Variants in GRID1 observed in about 807,000 individuals in gnomAD.
The protein encoded by GRID1 is glutamate receptor ionotropic, delta-1.
A neutral mutation model predicts 98.0 loss-of-function variants in GRID1; 28 were observed. The observed-to-expected ratio is 0.29, with a 90% CI of 0.21 to 0.39. GRID1 has a LOEUF of 0.39. GRID1 is among the 10% of genes least tolerant of loss of function. The pLI, the probability that GRID1 is intolerant of heterozygous loss-of-function variation, is 1.00. For missense variants in GRID1, 1,111 were observed against 1,340.5 expected (o/e 0.83, Z 2.67); for synonymous variants, 553 against 538.5 (o/e 1.03, Z -0.37).
chr10:86,260,989 G>A lies in GRID1; in HGVS notation c.236-54341C>T, dbSNP rs184022607. The stretch of plus-strand genomic sequence containing the variant: ...CCTTCTCCTAGCCTCCTAAACACAC[G>A]TTCCTCAAACCGAAGAAAAAGCTGG... On this transcript the variant is annotated intron_variant, in intron 2 of 15. Coordinates refer to ENST00000327946, the MANE Select transcript of GRID1 (RefSeq NM_017551.3). Among the ~76,000 whole-genome samples, 38 of 152,352 alleles carry A rather than the reference G, an allele frequency of 2.5e-4. 1 individual carries two copies. The highest frequency in any genetic ancestry group is 4.4e-5 in the Non-Finnish European group (3 of 68,040).
intron 2 of GRID1, among the ~76,000 whole-genome samples, chr10:86,208,045 T>A (rs78026068): frequency 5.4e-4 from 82 of 152,292 alleles, no homozygotes; most frequent in African/African-American, 1.9e-3. Context: ...CTTGGGTTTA[T>A]GTAATGCCTC....
chr10:85,949,773 T>TA (rs1281937060), intron 4 of GRID1, among the ~76,000 whole-genome samples: 1 of 152,228 alleles, frequency 6.6e-6, no homozygotes, highest in African/African-American at 2.4e-5. Context: ...GCACTTATAT[T>TA]AATGACTAAA....
chr10:86,280,534 A>G (rs1291779369), intron 2 of GRID1, among the ~76,000 whole-genome samples: 1 of 152,196 alleles, frequency 6.6e-6, no homozygotes, highest in African/African-American at 2.4e-5. Flanking sequence ...ACCCTTGTGA[A>G]AGCAGGAGGA....
chr10:85,702,051 A>G (rs1590195932), intron 12 of GRID1, among the ~76,000 whole-genome samples: 1 of 152,204 alleles, frequency 6.6e-6, no homozygotes, highest in Non-Finnish European at 1.5e-5. Flanking sequence ...GAAATAATAC[A>G]TAAATATATT....
chr10:85,761,265 C>T (rs1842144579), intron 8 of GRID1, among the ~76,000 whole-genome samples: 1 of 152,148 alleles, frequency 6.6e-6, no homozygotes, highest in Admixed American at 6.5e-5. Context: ...ATGTGTTAAA[C>T]ACTAATGGTT....
At chr10:85,824,161 G>T (rs1222680133) in intron 8 of GRID1, among the ~76,000 whole-genome samples, 1 of 151,534 alleles carries the variant, frequency 6.6e-6, no homozygotes. Flanking sequence ...AAGAGGAAAA[G>T]ACTTAAAAAG....
chr10:85,992,931 G>C (rs1368771150), intron 4 of GRID1, among the ~76,000 whole-genome samples: 2 of 152,198 alleles, frequency 1.3e-5, no homozygotes, highest in African/African-American at 4.8e-5. Context: ...TCCAGCCTGG[G>C]TGACCAAGTG....
chr10:86,335,862 C>A (rs1212459736), intron 2 of GRID1, among the ~76,000 whole-genome samples: 1 of 152,216 alleles, frequency 6.6e-6, no homozygotes, highest in Non-Finnish European at 1.5e-5. Context: ...CATGAAAGAA[C>A]CCCTCTCCAA....
chr10:86,366,389 C>G lies in GRID1; in HGVS notation c.4G>C (p.Glu2Gln). 6.7e-7 allele frequency: 1 copy of G among 1,503,400 alleles called. No homozygotes were observed. The highest frequency in any genetic ancestry group is 2.1e-5 in the Admixed American group (1 of 48,120). The allele number at this position is 1,503,400 out of a possible 1,614,324, so 93.1% of individuals were successfully genotyped here. A position where few individuals can be genotyped will look rare whatever the true frequency, so the allele number is the denominator to read the frequency against. Residue 2 changes from glutamate to glutamine, a missense_variant, in exon 1 of 16, where the codon GAA becomes CAA. Around this residue, in one of 3 missense-constraint regions of GRID1, gnomAD observed 346 missense variants for 452.3 expected, o/e 0.76. Transcript: ENST00000327946. This position sits in a 1 kb window ranked among gnomAD's most constrained non-coding sequence, Gnocchi z 4.1. ...GGGAGAAGCCACAGCGTCAGCGCTT[C>G]CATGTCCCCCGGGCGCGCGGCTCAT... M[E>Q]ALTLWLLPWI...
intron 2 of GRID1, among the ~76,000 whole-genome samples, chr10:86,290,767 C>T (rs544672692): frequency 3.3e-5 from 5 of 152,262 alleles, no homozygotes; most frequent in South Asian, 4.2e-4. Context: ...GTAGTATGAA[C>T]AATAAGGCAA....
At chr10:85,704,837 A>C (rs1012602543) in intron 12 of GRID1, among the ~76,000 whole-genome samples, 1 of 152,218 alleles carries the variant, frequency 6.6e-6, no homozygotes, top group Admixed American at 6.5e-5. Context: ...GCTCAACTAC[A>C]TGGAAACTGA....
At chr10:86,348,898 C>T (rs1848426523) in intron 2 of GRID1, among the ~76,000 whole-genome samples, 1 of 152,266 alleles carries the variant, frequency 6.6e-6, no homozygotes, top group Non-Finnish European at 1.5e-5. Flanking sequence ...CTCATGCAGG[C>T]TTCTCCTAAG....
At chr10:85,737,167 C>T (rs911474638) in intron 8 of GRID1, among the ~76,000 whole-genome samples, 2 of 152,054 alleles carry the variant, frequency 1.3e-5, no homozygotes, top group Admixed American at 1.3e-4. Flanking sequence ...GACCTTTGCA[C>T]AAGGAATTGA....
chr10:86,227,824 C>A (rs1183380495), intron 2 of GRID1, among the ~76,000 whole-genome samples: 1 of 152,210 alleles, frequency 6.6e-6, no homozygotes, highest in Non-Finnish European at 1.5e-5. Context: ...CTGTGAGCCA[C>A]TGCAGGACCT....
intron 4 of GRID1, among the ~76,000 whole-genome samples, chr10:85,993,851 C>A (rs905818329): frequency 6.6e-6 from 1 of 152,104 alleles, no homozygotes; most frequent in South Asian, 2.1e-4. Context: ...CGCCCAAAAT[C>A]AAAGCCAGGG....
chr10:85,729,496 T>C lies in GRID1; in HGVS notation c.1335+17A>G, dbSNP rs1325875761. On this transcript the variant is annotated intron_variant, in intron 9 of 15. Coordinates refer to ENST00000327946, the MANE Select transcript of GRID1 (RefSeq NM_017551.3). ...TGGATGGTGTAGCTCGCTCCCAGAA[T>C]GTCCCCATGATCCTACCAAGACAGT... 6.8e-7 allele frequency: 1 copy of C among 1,474,132 alleles called. No individual in the cohort carries two copies. The allele number at this position is 1,474,132 out of a possible 1,614,324, so 91.3% of individuals were successfully genotyped here.
chr10:86,270,761 T>C (rs1207252797), intron 2 of GRID1, among the ~76,000 whole-genome samples: 2 of 152,030 alleles, frequency 1.3e-5, no homozygotes, highest in East Asian at 1.9e-4. Context: ...AGGAATCTAG[T>C]TTGCCAATCA....
Position 85,962,262 on chromosome 10 carries a change from C to T in GRID1, c.727-46023G>A, listed in dbSNP as rs559310923. 5.1e-4 allele frequency among the ~76,000 whole-genome samples: 77 copies of T among 152,316 alleles called. 1 individual carries two copies. The highest frequency in any genetic ancestry group is 1.1e-3 in the Admixed American group (17 of 15,306). On this transcript the variant is annotated intron_variant, in intron 4 of 15. Coordinates refer to ENST00000327946, the MANE Select transcript of GRID1 (RefSeq NM_017551.3). Reference sequence around the variant, plus strand: ...CTTTCCAGCATCCCCGGGTTCATTGCTCTCCCCTACAAAGTTGCTTAGCAT... The same window carrying T: ...CTTTCCAGCATCCCCGGGTTCATTGTTCTCCCCTACAAAGTTGCTTAGCAT...
intron 4 of GRID1, among the ~76,000 whole-genome samples, chr10:86,010,682 G>A (rs949476316): frequency 1.3e-5 from 2 of 151,992 alleles, no homozygotes; most frequent in African/African-American, 2.4e-5. Flanking sequence ...GCCAGGTGTG[G>A]TGGTGTGCAC....
Sources: allele counts gnomAD v4.1 joint callset (sites outside exome capture counted in the v4.1 genomes callset), GRCh38; gene constraint gnomAD v4.1.1; regional missense constraint gnomAD v4.1.1; non-coding constraint Gnocchi (gnomAD v3.1); transcripts MANE v1.5; gene names NCBI Gene and HGNC (gene_info 2026-07-23, HGNC 2026-07-21).